Variants in PPFIBP2 observed in about 807,000 individuals in gnomAD.
PPFIBP2 encodes the protein PPFIB scaffold protein 2.
In PPFIBP2, 118 loss-of-function variants were observed where a neutral mutation model predicts 118.3. The ratio of observed to expected loss-of-function variants is 1.00; its 90% CI spans 0.86 to 1.16. The LOEUF is 1.16. Ranked by LOEUF, PPFIBP2 falls within the 50% of genes most tolerant of loss-of-function variation. The pLI, the probability that PPFIBP2 is intolerant of heterozygous loss-of-function variation, is 0.00. For synonymous variants in PPFIBP2, 414 were observed against 397.4 expected, an observed-to-expected ratio of 1.04 and a Z score of -0.50; for missense variants, 1,195 against 1,073.1, an observed-to-expected ratio of 1.11 and a Z score of -1.59.
chr11:7,633,351 G>A (rs1313220630), intron 12 of PPFIBP2, among the ~76,000 whole-genome samples: 1 of 152,136 alleles, frequency 6.6e-6, no homozygotes, highest in East Asian at 1.9e-4. Flanking sequence ...CATAGCAATT[G>A]GTCTAATTGC....
At chr11:7,609,817 G>T (rs987206817) in intron 5 of PPFIBP2, among the ~76,000 whole-genome samples, 3 of 152,150 alleles carry the variant, frequency 2.0e-5, no homozygotes. Flanking sequence ...CTCCTGTCTA[G>T]GTTCATTGCA....
chr11:7,603,172 T>C (rs59158355), intron 5 of PPFIBP2, among the ~76,000 whole-genome samples: 6,918 of 152,284 alleles, frequency 0.045, 547 homozygotes, highest in African/African-American at 0.16. Flanking sequence ...AAGACAGTGA[T>C]TCAGAAGTGA....
Position 7,639,724 on chromosome 11 carries a change from T to A in PPFIBP2, c.1237-8T>A, listed in dbSNP as rs1386970789. ...CGGTATCTCTCTCTTTCTCTCACCT[T>A]CCAATAGGACAGCCCTTTCTTGGCG... On this transcript the variant is annotated splice_region_variant and splice_polypyrimidine_tract_variant and intron_variant, in intron 14 of 23. Transcript: ENST00000299492. The A allele has an allele frequency of 6.2e-7, 1 of 1,614,036 alleles. No individual in the cohort carries two copies. Among genetic ancestry groups the A allele is most frequent in the Non-Finnish European group, 8.5e-7 (1 of 1,179,960 alleles).
intron 7 of PPFIBP2, among the ~76,000 whole-genome samples, chr11:7,621,733 A>C (rs765637984): frequency 6.6e-6 from 1 of 152,212 alleles, no homozygotes; most frequent in Non-Finnish European, 1.5e-5. Context: ...GGCTACAGTT[A>C]GGTTTCCTTT....
intron 7 of PPFIBP2, among the ~76,000 whole-genome samples, chr11:7,622,904 G>T (rs980665860): frequency 1.3e-5 from 2 of 152,142 alleles, no homozygotes; most frequent in African/African-American, 4.8e-5. Context: ...CCAGCTCTTT[G>T]TCTTGGCATG....
At chr11:7,566,442 G>A (rs1481043058) in intron 3 of PPFIBP2, among the ~76,000 whole-genome samples, 5 of 151,902 alleles carry the variant, frequency 3.3e-5, no homozygotes, top group Non-Finnish European at 7.4e-5. Flanking sequence ...CTGCAGCCTC[G>A]ACCTCCCAGG....
intron 16 of PPFIBP2, 155 bp downstream of exon 16, chr11:7,641,775 G>A: frequency 1.1e-5 from 9 of 816,744 alleles, no homozygotes; most frequent in Non-Finnish European, 1.5e-5. Flanking sequence ...TATTTTCCAG[G>A]GCCAAGAGAA....
In PPFIBP2 at chr11:7,634,670, G is replaced by C. The variant is rs566951688; in HGVS notation, c.1194+118G>C. The C allele has an allele frequency of 4.2e-5, 32 of 769,200 alleles. No homozygotes were observed. The Admixed American group carries it at 5.1e-4, about 12-fold the overall frequency. 47.6% of individuals were successfully genotyped at this position (769,200 alleles called of 1,614,324 possible). ...TTGTAGAGGATTTTATAAAGTTGTA[G>C]AGGAAGCAGGAATTACATGAACATT... On this transcript the variant is annotated intron_variant, in intron 13 of 23. Transcript: ENST00000299492.
intron 1 of PPFIBP2, among the ~76,000 whole-genome samples, chr11:7,533,040 T>TTTG (rs1554942999): frequency 6.6e-6 from 1 of 152,082 alleles, no homozygotes; most frequent in African/African-American, 2.4e-5. Flanking sequence ...TCTGTTTTTT[T>TTTG]TTGTTGTTGT....
chr11:7,639,660 T>C (rs1353329118), intron 14 of PPFIBP2, 72 bp from the exon 15 acceptor site: 2 of 1,597,292 alleles, frequency 1.3e-6, no homozygotes, highest in Non-Finnish European at 1.7e-6. Flanking sequence ...GGAGTTGTTC[T>C]GTATCCAAGG....
chr11:7,659,219 C>CATGCCTATGTCCTGAATGGTA (rs1854837621), downstream of PPFIBP2, among the ~76,000 whole-genome samples: 1 of 148,998 alleles, frequency 6.7e-6, no homozygotes, highest in Admixed American at 6.6e-5. Flanking sequence ...AGTCCTTGCC[C>CATGCCTATGTCCTGAATGGTA]ATGCCTATGT....
downstream of PPFIBP2, among the ~76,000 whole-genome samples, chr11:7,657,879 C>T (rs970009855): frequency 2.0e-5 from 3 of 152,260 alleles, no homozygotes; most frequent in Non-Finnish European, 2.9e-5. Context: ...TCACCACAAA[C>T]TTGGAGCACC....
In PPFIBP2 at chr11:7,529,371, CTG is replaced by C. The variant is rs1850487717; in HGVS notation, c.-37+15252_-37+15253del. Among the ~76,000 whole-genome samples the C allele has an allele frequency of 2.0e-5, 3 of 152,342 alleles. No individual in the cohort carries two copies. The South Asian group carries it at 6.2e-4, about 32-fold the overall frequency. On this transcript the variant is annotated intron_variant, in intron 1 of 23. Coordinates refer to ENST00000299492, the MANE Select transcript of PPFIBP2 (RefSeq NM_003621.5). ...ATGAAAAATGCATCTCATTACATCA[CTG>C]TTACACATCGTATATGGAAACCTTC...
chr11:7,526,718 A>G (rs764545478), intron 1 of PPFIBP2, among the ~76,000 whole-genome samples: 25 of 152,204 alleles, frequency 1.6e-4, no homozygotes, highest in Non-Finnish European at 3.1e-4. Context: ...TAAAATACAA[A>G]AAATTAGCCC....
chr11:7,534,191 A>G (rs1167611015), intron 1 of PPFIBP2, among the ~76,000 whole-genome samples: 1 of 152,176 alleles, frequency 6.6e-6, no homozygotes, highest in Non-Finnish European at 1.5e-5. Context: ...CTGGAAGGGA[A>G]AGTAGAATTC....
intron 1 of PPFIBP2, among the ~76,000 whole-genome samples, chr11:7,545,257 T>G (rs1054516481): frequency 9.9e-5 from 15 of 152,084 alleles, no homozygotes; most frequent in Admixed American, 5.9e-4. Flanking sequence ...GGTGAAATCC[T>G]GTCTTCTACC....
intron 16 of PPFIBP2, chr11:7,641,848 C>T (rs1852243716): frequency 3.6e-6 from 2 of 558,836 alleles, no homozygotes; most frequent in South Asian, 2.2e-5. Flanking sequence ...GCATCCTAAG[C>T]ACCCACCCAT....
rs1187552910 is a variant in PPFIBP2, at chr11:7,565,697, G to A, written c.209G>A (p.Arg70Lys). The A allele has an allele frequency of 6.2e-7, 1 of 1,614,194 alleles. No homozygotes were observed. The highest frequency in any genetic ancestry group is 8.5e-7 in the Non-Finnish European group (1 of 1,180,026). Reference sequence around the variant, plus strand: ...GAGATGCTGGAGCTTCCTCAGGAGAGAGCAGCCCTCCTGAGCCAGATCCCT... The same window carrying A: ...GAGATGCTGGAGCTTCCTCAGGAGAAAGCAGCCCTCCTGAGCCAGATCCCT... ...ALEMLELPQE[R>K]AALLSQIPGP... Residue 70 changes from arginine (R) to lysine (K), a missense_variant, in exon 3 of 24, where the codon AGA (arginine) becomes AAA (lysine). Arg to Lys is a conservative substitution (Grantham distance 26). Transcript: ENST00000299492.
intron 15 of PPFIBP2, 106 bp from the exon 16 acceptor site, chr11:7,641,373 G>A: frequency 7.7e-7 from 1 of 1,302,110 alleles, no homozygotes; most frequent in Non-Finnish European, 1.1e-6. Flanking sequence ...GCAGAACTGG[G>A]CAGATTCTCT....
Sources: gnomAD v4.1 joint callset for allele counts (sites outside exome capture counted in the v4.1 genomes callset) on GRCh38, gnomAD v4.1.1 for gene constraint, MANE v1.5 for transcripts, NCBI Gene and HGNC (gene_info 2026-07-23, HGNC 2026-07-21) for gene names.